Variants in POGZ observed in about 807,000 individuals in gnomAD.
POGZ encodes pogo transposable element with ZNF domain.
POGZ carries 17 observed loss-of-function variants against 134.6 expected under a neutral mutation model. That is an observed-to-expected ratio of 0.13 (90% CI 0.09 to 0.19). The LOEUF (loss-of-function observed/expected upper bound fraction) is 0.19. POGZ is among the 10% of genes least tolerant of loss of function. The pLI, the probability that POGZ is intolerant of heterozygous loss-of-function variation, is 1.00. For synonymous variants in POGZ, 693 were observed against 657.1 expected (o/e 1.05, Z -0.84); for missense variants, 1,306 against 1,769.7 (o/e 0.74, Z 4.70).
intron 10 of POGZ, among the ~76,000 whole-genome samples, chr1:151,419,690 A>AAC (rs1332428867): frequency 2.7e-5 from 4 of 149,622 alleles, no homozygotes; most frequent in African/African-American, 9.9e-5. Flanking sequence ...AAAAAAAAAA[A>AAC]AAAAACTACT....
intron 1 of POGZ, chr1:151,442,433 G>T: frequency 2.9e-6 from 1 of 349,988 alleles, no homozygotes; most frequent in Non-Finnish European, 5.1e-6. Context: ...TTACAGGCCG[G>T]GCATGGTGGC....
intron 7 of POGZ, 114 bp downstream of exon 7, chr1:151,427,709 A>G (rs1271432103): frequency 1.0e-5 from 7 of 680,074 alleles, no homozygotes; most frequent in Non-Finnish European, 1.5e-5. Context: ...AACAAACTAC[A>G]GCAGCTGTAT....
chr1:151,414,469 G>A (rs1017770850), intron 10 of POGZ, among the ~76,000 whole-genome samples: 1 of 152,196 alleles, frequency 6.6e-6, no homozygotes, highest in Non-Finnish European at 1.5e-5. Context: ...AATTTCTAAT[G>A]TACAAGCATC....
At chr1:151,429,469 CT>C in intron 5 of POGZ, 133 bp downstream of exon 5, 1 of 446,986 alleles carries the variant, frequency 2.2e-6, no homozygotes, top group Non-Finnish European at 3.9e-6. Context: ...TAAAATTGGG[CT>C]TAAATCATTA....
intron 3 of POGZ, among the ~76,000 whole-genome samples, chr1:151,437,530 T>A (rs759362153): frequency 3.5e-4 from 53 of 152,162 alleles, no homozygotes; most frequent in Non-Finnish European, 7.2e-4. Flanking sequence ...GGTGGGTGGA[T>A]CACTTGAGGT....
At chr1:151,423,288 T>TATGAAAA in intron 10 of POGZ, 109 bp downstream of exon 10, 1 of 921,466 alleles carries the variant, frequency 1.1e-6, no homozygotes, top group East Asian at 2.5e-5. Context: ...AAGTACTTCC[T>TATGAAAA]CTACACTGTT....
rs886802620 is a variant in POGZ at position 151,404,617 on chromosome 1, T to C, written c.*185A>G. The C allele has an allele frequency of 2.4e-5, 33 of 1,355,832 alleles. No individual in the cohort carries two copies. The highest frequency in any genetic ancestry group is 2.7e-4 in the Middle Eastern group (1 of 3,644). The allele number at this position is 1,355,832 out of a possible 1,614,324, so 84.0% of individuals were successfully genotyped here. On this transcript the variant is annotated 3_prime_UTR_variant, in exon 19 of 19. Coordinates refer to ENST00000271715, the MANE Select transcript of POGZ (RefSeq NM_015100.4). ...CTCCTTGGCTCAGACGTGATTACTATTGGTTTTCCTAATTAATCCACAAAT... is the reference window on the plus strand; with the variant it reads ...CTCCTTGGCTCAGACGTGATTACTACTGGTTTTCCTAATTAATCCACAAAT...
chr1:151,416,650 G>A (rs950505193), intron 10 of POGZ, among the ~76,000 whole-genome samples: 2 of 149,628 alleles, frequency 1.3e-5, no homozygotes, highest in African/African-American at 2.5e-5. Flanking sequence ...TTGAGATAGG[G>A]CCTTACTCTG....
intron 1 of POGZ, among the ~76,000 whole-genome samples, chr1:151,458,677 A>ACCGCCC (rs1663082840): frequency 7.4e-6 from 1 of 134,616 alleles, no homozygotes; most frequent in Admixed American, 7.3e-5. Flanking sequence ...CCGTCTCGCC[A>ACCGCCC]CCGCCCGCGC....
intron 16 of POGZ, 61 bp from the exon 17 acceptor site, chr1:151,407,084 G>A: frequency 1.4e-6 from 2 of 1,380,860 alleles, no homozygotes; most frequent in Non-Finnish European, 2.0e-6. Flanking sequence ...AGACCATTAA[G>A]CTTTGAGGCT....
rs1484207450 is a variant in POGZ at position 151,405,155 on chromosome 1, A to G, written c.3880T>C (p.Ser1294Pro). 6.2e-7 allele frequency: 1 copy of G among 1,614,078 alleles called. No homozygotes were observed. Among genetic ancestry groups the G allele is most frequent in the East Asian group, 2.2e-5 (1 of 44,898 alleles). ...AGCACCAGCTGAAGCAGGACATCAGAATCACATGCAGTATCTGCCATTTCC... is the reference window on the plus strand; with the variant it reads ...AGCACCAGCTGAAGCAGGACATCAGGATCACATGCAGTATCTGCCATTTCC... ...AREMADTACDSDVLLQLVLVW... is the reference protein window; with the variant it reads ...AREMADTACDPDVLLQLVLVW... Residue 1294 changes from serine to proline, a missense_variant, in exon 19 of 19, where the codon TCT (serine) becomes CCT (proline). Physicochemically the swap from Ser to Pro is moderately conservative, Grantham distance 74. Transcript: ENST00000271715. The surrounding 1 kb of genome is among the most constrained non-coding windows in gnomAD (Gnocchi z 4.9).
At chr1:151,413,168 T>C (rs948298511) in intron 10 of POGZ, among the ~76,000 whole-genome samples, 1 of 145,394 alleles carries the variant, frequency 6.9e-6, no homozygotes, top group African/African-American at 2.5e-5. Context: ...AGCATGATCA[T>C]AGCTCACCGC....
At chr1:151,445,902 T>C (rs900112439) in intron 1 of POGZ, among the ~76,000 whole-genome samples, 6 of 152,196 alleles carry the variant, frequency 3.9e-5, no homozygotes, top group African/African-American at 1.4e-4. Context: ...CATATTTAGA[T>C]CCTTCTTGTA....
chr1:151,418,441 T>C (rs1571398527), intron 10 of POGZ, among the ~76,000 whole-genome samples: 1 of 149,666 alleles, frequency 6.7e-6, no homozygotes, highest in Middle Eastern at 3.2e-3. Context: ...CTGGGAAGAG[T>C]AGGGGAGTAG....
chr1:151,420,355 T>C (rs1656680269), intron 10 of POGZ, among the ~76,000 whole-genome samples: 1 of 152,156 alleles, frequency 6.6e-6, no homozygotes, highest in Admixed American at 6.6e-5. Context: ...CTTGCTCTGT[T>C]ATCCAAGCTG....
At chr1:151,428,475 C>A in intron 5 of POGZ, 62 bp from the exon 6 acceptor site, 1 of 1,374,368 alleles carries the variant, frequency 7.3e-7, no homozygotes, top group Non-Finnish European at 1.0e-6. Flanking sequence ...CACATTCTCC[C>A]TGCCTTTACT....
chr1:151,458,309 C>CACCGCGGCAGGACATA (rs1553238557), intron 1 of POGZ, among the ~76,000 whole-genome samples: 1 of 152,044 alleles, frequency 6.6e-6, no homozygotes, highest in Non-Finnish European at 1.5e-5. Flanking sequence ...ACATGGCGCC[C>CACCGCGGCAGGACATA]ACCGCGGCAG....
At chr1:151,442,710 C>CAAA (rs1277790279) in intron 1 of POGZ, among the ~76,000 whole-genome samples, 7 of 99,152 alleles carry the variant, frequency 7.1e-5, no homozygotes, top group East Asian at 3.4e-4. Flanking sequence ...GACTCTGTCT[C>CAAA]AAAAAAAAAA....
chr1:151,438,111 T>C (rs1197599739), intron 3 of POGZ, among the ~76,000 whole-genome samples: 1 of 151,830 alleles, frequency 6.6e-6, no homozygotes, highest in Non-Finnish European at 1.5e-5. Context: ...CTCAGGAGGC[T>C]GAGGCAAGAG....
Sources: gnomAD v4.1 joint callset for allele counts (sites outside exome capture counted in the v4.1 genomes callset) on GRCh38, gnomAD v4.1.1 for gene constraint, Gnocchi (gnomAD v3.1) non-coding constraint, MANE v1.5 for transcripts, NCBI Gene and HGNC (gene_info 2026-07-23, HGNC 2026-07-21) for gene names.